The following TCF7L1 variants were observed in gnomAD, a reference collection of about 807,000 sequenced individuals.
TCF7L1 encodes transcription factor 7 like 1, also known as transcription factor 7-like 1.
Under a neutral mutation model 63.7 loss-of-function variants are expected in TCF7L1, and 18 were observed. The ratio of observed to expected loss-of-function variants is 0.28; its 90% CI spans 0.20 to 0.42. The LOEUF is 0.42. Ranked by LOEUF, TCF7L1 falls within the 10% of genes least tolerant of loss-of-function variation. The pLI, the probability that TCF7L1 is intolerant of heterozygous loss-of-function variation, is 1.00. For missense variants in TCF7L1, 654 were observed against 779.3 expected (o/e 0.84, Z 1.91); for synonymous variants, 355 against 340.9 (o/e 1.04, Z -0.46).
At chr2:85,269,443 A>G (rs1681092155) in intron 3 of TCF7L1, among the ~76,000 whole-genome samples, 1 of 152,122 alleles carries the variant, frequency 6.6e-6, no homozygotes, top group Non-Finnish European at 1.5e-5. Context: ...ATACACATAC[A>G]TATGTATTTA....
At chr2:85,272,720 A>G (rs1327521264) in intron 3 of TCF7L1, among the ~76,000 whole-genome samples, 1 of 151,996 alleles carries the variant, frequency 6.6e-6, no homozygotes, top group Non-Finnish European at 1.5e-5. Context: ...GCTTGATTCC[A>G]TGAAGTCAAG....
intron 3 of TCF7L1, among the ~76,000 whole-genome samples, chr2:85,248,351 C>T (rs564520895): frequency 7.9e-5 from 12 of 152,246 alleles, no homozygotes; most frequent in East Asian, 5.8e-4. Context: ...GTAGGGCTGT[C>T]GTGGGGCCTG....
At chr2:85,204,023 A>C (rs1033724753) in intron 3 of TCF7L1, among the ~76,000 whole-genome samples, 1 of 152,172 alleles carries the variant, frequency 6.6e-6, no homozygotes, top group African/African-American at 2.4e-5. Flanking sequence ...AAATATATCA[A>C]CTGAATGAAA....
At chr2:85,219,386 C>A (rs1312380367) in intron 3 of TCF7L1, among the ~76,000 whole-genome samples, 1 of 151,228 alleles carries the variant, frequency 6.6e-6, no homozygotes, top group Non-Finnish European at 1.5e-5. Context: ...CCCAGCAAAT[C>A]TACTACACAT....
At chr2:85,245,506 C>G (rs1402408722) in intron 3 of TCF7L1, among the ~76,000 whole-genome samples, 2 of 152,084 alleles carry the variant, frequency 1.3e-5, no homozygotes, top group Non-Finnish European at 2.9e-5. Context: ...AAGGTCAGAG[C>G]CAGGGGCCTC....
intron 3 of TCF7L1, among the ~76,000 whole-genome samples, chr2:85,162,096 G>A (rs1678300310): frequency 6.6e-6 from 1 of 151,874 alleles, no homozygotes; most frequent in East Asian, 1.9e-4. Flanking sequence ...CTGGCTGGGT[G>A]TGGTGATGCA....
chr2:85,171,928 C>T (rs559291192), intron 3 of TCF7L1, among the ~76,000 whole-genome samples: 20 of 152,158 alleles, frequency 1.3e-4, no homozygotes, highest in African/African-American at 4.6e-4. Flanking sequence ...CTTCCCCCCT[C>T]CCCCCACACT....
At position 85,259,107 on chromosome 2, in the gene TCF7L1, C is replaced by T. The variant is rs139832128; in HGVS notation, c.442-24388C>T. On this transcript the variant is annotated intron_variant, in intron 3 of 11. Coordinates refer to ENST00000282111, the MANE Select transcript of TCF7L1 (RefSeq NM_031283.3). ...CTATAGCTGAGGCCACCTCCCAAGA[C>T]ACATTGTCATTCTGTCCCCCACAGC... 9.0e-3 allele frequency among the ~76,000 whole-genome samples: 1,365 copies of T among 152,332 alleles called. 16 individuals carry two copies. Among genetic ancestry groups the T allele is most frequent in the African/African-American group, 0.031 (1,304 of 41,570 alleles).
intron 3 of TCF7L1, among the ~76,000 whole-genome samples, chr2:85,174,462 C>T (rs1400487965): frequency 6.6e-6 from 1 of 152,154 alleles, no homozygotes; most frequent in Admixed American, 6.5e-5. Flanking sequence ...ATGGGGTTTC[C>T]TCGCTTCCAA....
rs1682053302 is a variant in TCF7L1 at position 85,304,276 on chromosome 2, C to G, written c.783C>G (p.Ser261=). 6.2e-7 allele frequency: 1 copy of G among 1,613,962 alleles called. No individual in the cohort carries two copies. Residue 261 remains serine, a synonymous_variant, in exon 7 of 12, where the codon TCC becomes TCG. Coordinates refer to ENST00000282111, the MANE Select transcript of TCF7L1 (RefSeq NM_031283.3). ...ACAGGCAAGGCCAGCCCATGTACTC[C>G]CTTCCTCCCGGTGGCTTCCGGCACC... ...LVPQQGQPMY[S]LPPGGFRHPY... is the part of the protein sequence containing the mutation.
At chr2:85,274,626 T>A (rs770942266) in intron 3 of TCF7L1, among the ~76,000 whole-genome samples, 8 of 152,196 alleles carry the variant, frequency 5.3e-5, no homozygotes, top group Non-Finnish European at 1.2e-4. Context: ...ATTGGTAGCA[T>A]CTCTTCCGCG....
intron 3 of TCF7L1, among the ~76,000 whole-genome samples, chr2:85,282,091 G>A (rs1392307455): frequency 6.6e-6 from 1 of 152,078 alleles, no homozygotes; most frequent in Non-Finnish European, 1.5e-5. Context: ...AGACTCAAGC[G>A]ATTCTCCTGC....
intron 3 of TCF7L1, among the ~76,000 whole-genome samples, chr2:85,164,907 G>A (rs1678380559): frequency 6.6e-6 from 1 of 152,204 alleles, no homozygotes; most frequent in South Asian, 2.1e-4. Flanking sequence ...AATTAAGGTT[G>A]TTATGAGATT....
At chr2:85,305,846 C>A (rs1487162115) in intron 8 of TCF7L1, among the ~76,000 whole-genome samples, 1 of 152,008 alleles carries the variant, frequency 6.6e-6, no homozygotes, top group African/African-American at 2.4e-5. Flanking sequence ...CCTGGAGATC[C>A]CAAGAGAACC....
At chr2:85,146,578 T>G (rs1438010125) in intron 3 of TCF7L1, among the ~76,000 whole-genome samples, 2 of 145,158 alleles carry the variant, frequency 1.4e-5, no homozygotes, top group Non-Finnish European at 3.0e-5. Context: ...CTCGGCTCAC[T>G]GCAACCTCCG....
chr2:85,284,252 C>G (rs570168276), intron 4 of TCF7L1, among the ~76,000 whole-genome samples: 1 of 152,292 alleles, frequency 6.6e-6, no homozygotes, highest in Admixed American at 6.5e-5. Flanking sequence ...CCTCGTGATC[C>G]GCCAGCCTTG....
In TCF7L1 at chr2:85,299,488, G is replaced by T. The variant is rs990041240; in HGVS notation, c.526-2996G>T. On this transcript the variant is annotated intron_variant, in intron 4 of 11. Transcript: ENST00000282111. ...AATCGCTTGAACCCAGGAGGCAGAG[G>T]TTGCAGTGAACCGAGATCACACCAC... Among the ~76,000 whole-genome samples, 17 of 147,306 alleles carry T rather than the reference G, an allele frequency of 1.2e-4. 1 individual carries two copies. In the Admixed American group the frequency reaches 1.2e-3, roughly 10 times the overall value.
intron 3 of TCF7L1, among the ~76,000 whole-genome samples, chr2:85,137,445 G>T (rs2104179503): frequency 6.6e-6 from 1 of 152,322 alleles, no homozygotes; most frequent in South Asian, 2.1e-4. Flanking sequence ...AGCTGCAATT[G>T]CTTCTTGTCT....
intron 3 of TCF7L1, among the ~76,000 whole-genome samples, chr2:85,224,613 C>G (rs1183498425): frequency 3.3e-5 from 5 of 152,170 alleles, no homozygotes; most frequent in African/African-American, 1.2e-4. Flanking sequence ...TATCCTTTGC[C>G]CACTTTTTGA....
Sources: gnomAD v4.1 joint callset for allele counts (sites outside exome capture counted in the v4.1 genomes callset) on GRCh38, gnomAD v4.1.1 for gene constraint, MANE v1.5 for transcripts, NCBI Gene and HGNC (gene_info 2026-07-23, HGNC 2026-07-21) for gene names.